PIGN: variants seen among roughly 807,000 people sequenced by gnomAD.
The protein encoded by PIGN is GPI ethanolamine phosphate transferase 1.
A neutral mutation model predicts 125.4 loss-of-function variants in PIGN; 117 were observed. The ratio of observed to expected loss-of-function variants is 0.93; its 90% CI spans 0.80 to 1.09. PIGN has a LOEUF of 1.09. Ranked by LOEUF, PIGN falls within the 50% of genes least tolerant of loss-of-function variation. The pLI, the probability that PIGN is intolerant of heterozygous loss-of-function variation, is 0.00. For missense variants in PIGN, 1,075 were observed against 1,094.9 expected (o/e 0.98, Z 0.26); for synonymous variants, 392 against 377.8 (o/e 1.04, Z -0.44).
chr18:62,083,794 C>T (rs967470331), intron 27 of PIGN, among the ~76,000 whole-genome samples: 2 of 152,176 alleles, frequency 1.3e-5, no homozygotes, highest in Non-Finnish European at 2.9e-5. Flanking sequence ...CTTTTTAACA[C>T]TTCTTAAACT....
intron 20 of PIGN, among the ~76,000 whole-genome samples, chr18:62,104,866 T>C (rs934434109): frequency 6.6e-6 from 1 of 152,174 alleles, no homozygotes; most frequent in African/African-American, 2.4e-5. Flanking sequence ...AATGAAATAA[T>C]GATCATATGC....
At chr18:62,031,293 G>C (rs1272462159) in intron 23 of PIGN, among the ~76,000 whole-genome samples, 1 of 152,194 alleles carries the variant, frequency 6.6e-6, no homozygotes, top group Non-Finnish European at 1.5e-5. Context: ...ATGTGGAACT[G>C]TGAGCTCTTT....
rs1333714846 is a variant in PIGN at position 62,161,176 on chromosome 18, A to G, written c.178T>C (p.Tyr60His). ...GAGTTTCCATTTTCATCTAATTCGTAAAGTGCATCTGCTCGAAGGCCATCA... is the reference window on the plus strand; with the variant it reads ...GAGTTTCCATTTTCATCTAATTCGTGAAGTGCATCTGCTCGAAGGCCATCA... ...VADGLRADAL[Y>H]ELDENGNSRA... Residue 60 changes from tyrosine (Y) to histidine (H), a missense_variant, in exon 4 of 31, where the codon TAC (tyrosine) becomes CAC (histidine). Around this residue, in one of 3 missense-constraint regions of PIGN, gnomAD observed 152 missense variants for 162.9 expected, o/e 0.93. Coordinates refer to ENST00000640252, the MANE Select transcript of PIGN (RefSeq NM_176787.5). 3 of 1,613,654 alleles carry G rather than the reference A, an allele frequency of 1.9e-6. No homozygotes were observed. Among genetic ancestry groups the G allele is most frequent in the Non-Finnish European group, 2.5e-6 (3 of 1,179,728 alleles).
intron 7 of PIGN, among the ~76,000 whole-genome samples, chr18:62,149,111 T>C (rs902904484): frequency 1.1e-4 from 17 of 152,196 alleles, no homozygotes; most frequent in African/African-American, 4.1e-4. Flanking sequence ...TTCACATAAA[T>C]GCCTTTAACT....
In PIGN at chr18:62,147,045, A is replaced by G. The variant is rs2036359127; in HGVS notation, c.731T>C (p.Met244Thr). 1 of 1,609,988 alleles carries G rather than the reference A, an allele frequency of 6.2e-7. No homozygotes were observed. The highest frequency in any genetic ancestry group is 8.5e-7 in the Non-Finnish European group (1 of 1,176,860). ...VDDGVKEIVS[M>T]FNHFYGNDGK... ...ATCATTTCCATAGAAGTGGTTAAAC[A>G]TAGACACGATTTCTTTAACTCCATC... The change falls in exon 9 of 31, where the codon ATG becomes ACG. Residue 244 changes from methionine to threonine, a missense_variant. Coordinates refer to ENST00000640252, the MANE Select transcript of PIGN (RefSeq NM_176787.5).
Position 62,105,545 on chromosome 18 carries a change from T to C in PIGN, c.1857A>G (p.Leu619=), listed in dbSNP as rs1227445333. ...ATAAAATACAATATTATTCATACAC[T>C]AGAGAGATGTCTGGCTTTCGACCTA... ...PVVGRKPDIS[L]VMGAGLLVLL... is the part of the protein sequence containing the mutation. Residue 619 remains leucine (L), a splice_region_variant and synonymous_variant, in exon 20 of 31, where the codon CTA becomes CTG. Coordinates refer to ENST00000640252, the MANE Select transcript of PIGN (RefSeq NM_176787.5). 2 of 1,506,384 alleles carry C rather than the reference T, an allele frequency of 1.3e-6. No homozygotes were observed. Among genetic ancestry groups the C allele is most frequent in the Non-Finnish European group, 1.8e-6 (2 of 1,105,528 alleles). The allele number at this position is 1,506,384 out of a possible 1,614,324, so 93.3% of individuals were successfully genotyped here. A position where few individuals can be genotyped will look rare whatever the true frequency, so the allele number is the denominator to read the frequency against.
intron 24 of PIGN, among the ~76,000 whole-genome samples, chr18:62,089,783 A>T (rs927507303): frequency 3.9e-5 from 6 of 152,160 alleles, no homozygotes; most frequent in African/African-American, 1.4e-4. Flanking sequence ...CTATGAAAGT[A>T]TTTTCTGTAA....
chr18:62,168,308 C>A (rs1245341834), intron 1 of PIGN, among the ~76,000 whole-genome samples: 1 of 152,106 alleles, frequency 6.6e-6, no homozygotes, highest in African/African-American at 2.4e-5. Context: ...TTTTTAATAT[C>A]TTTTATTTGA....
intron 25 of PIGN, among the ~76,000 whole-genome samples, chr18:62,085,660 A>C (rs1304145849): frequency 6.6e-6 from 1 of 152,202 alleles, no homozygotes; most frequent in African/African-American, 2.4e-5. Flanking sequence ...CCGTAAACCC[A>C]CCACCTGCTA....
intron 30 of PIGN, among the ~76,000 whole-genome samples, chr18:62,049,292 T>C (rs1218891180): frequency 6.6e-6 from 1 of 151,978 alleles, no homozygotes; most frequent in Non-Finnish European, 1.5e-5. Flanking sequence ...ACTTCCACAA[T>C]GGTTGAACTA....
intron 25 of PIGN, among the ~76,000 whole-genome samples, chr18:62,086,187 T>G (rs779773309): frequency 7.9e-5 from 12 of 152,082 alleles, no homozygotes; most frequent in Non-Finnish European, 1.6e-4. Flanking sequence ...GGAGAGACAT[T>G]TTAAGGTAAA....
intron 10 of PIGN, among the ~76,000 whole-genome samples, chr18:62,144,289 C>T (rs1287305866): frequency 6.6e-6 from 1 of 152,176 alleles, no homozygotes; most frequent in Non-Finnish European, 1.5e-5. Context: ...AATCCATTTA[C>T]CACAGAGCAG....
At chr18:62,068,021 G>T (rs895461364) in intron 30 of PIGN, among the ~76,000 whole-genome samples, 1 of 152,192 alleles carries the variant, frequency 6.6e-6, no homozygotes, top group Non-Finnish European at 1.5e-5. Flanking sequence ...TTAGGAGGAG[G>T]CTACACATGC....
chr18:62,028,670 C>T (rs544382305), intron 23 of PIGN, among the ~76,000 whole-genome samples: 21 of 152,276 alleles, frequency 1.4e-4, no homozygotes, highest in Non-Finnish European at 2.6e-4. Context: ...TACATTTTCA[C>T]GTAGATCCAA....
chr18:62,155,952 A>T (rs1568238256), intron 6 of PIGN, among the ~76,000 whole-genome samples: 1 of 152,188 alleles, frequency 6.6e-6, no homozygotes, highest in Non-Finnish European at 1.5e-5. Context: ...CATCTGTAAA[A>T]TTCTCAATAT....
chr18:62,093,291 T>C (rs890132373), intron 23 of PIGN, among the ~76,000 whole-genome samples: 5 of 152,116 alleles, frequency 3.3e-5, no homozygotes, highest in African/African-American at 9.6e-5. Context: ...TTTTGTAAAA[T>C]GGAGATGAAT....
Position 62,159,324 on chromosome 18 carries a change from A to G in PIGN, c.222-1516T>C, listed in dbSNP as rs181506405. Among the ~76,000 whole-genome samples, 267 of 152,350 alleles carry G rather than the reference A, an allele frequency of 1.8e-3. 1 individual carries two copies. Among genetic ancestry groups the G allele is most frequent in the Non-Finnish European group, 2.7e-3 (184 of 68,034 alleles). On this transcript the variant is annotated intron_variant, in intron 4 of 30. Coordinates refer to ENST00000640252, the MANE Select transcript of PIGN (RefSeq NM_176787.5). ...AGATTCCTGACATTGTAAATATACA[A>G]TGGCACACAACACAAAACATCAACT...
chr18:62,032,894 A>T (rs1008033796), intron 23 of PIGN, among the ~76,000 whole-genome samples: 2 of 152,268 alleles, frequency 1.3e-5, no homozygotes, highest in African/African-American at 4.8e-5. Flanking sequence ...GTGAGAAATC[A>T]CACTAAATGC....
In PIGN at chr18:62,101,141, G is replaced by A; in HGVS notation, c.2011C>T (p.Gln671Ter). 1 of 1,611,250 alleles carries A rather than the reference G, an allele frequency of 6.2e-7. No individual in the cohort carries two copies. The highest frequency in any genetic ancestry group is 8.5e-7 in the Non-Finnish European group (1 of 1,178,028). Residue 671 changes from glutamine to a stop codon, truncating the protein, a stop_gained, in exon 22 of 31, where the codon CAG becomes TAG. Coordinates refer to ENST00000640252, the MANE Select transcript of PIGN (RefSeq NM_176787.5). LOFTEE classifies it high-confidence loss of function. ...VLSMYVVYST[Q>*]SSLLRKQGLP... ...CCTTGCTTCCTGAGTAGACTACTCTGAGTGCTATACACAACATACATGGAG... is the reference window on the plus strand; with the variant it reads ...CCTTGCTTCCTGAGTAGACTACTCTAAGTGCTATACACAACATACATGGAG...
Sources: gnomAD v4.1 joint callset for allele counts (sites outside exome capture counted in the v4.1 genomes callset) on GRCh38, gnomAD v4.1.1 for gene constraint, gnomAD v4.1.1 regional missense constraint, MANE v1.5 for transcripts, NCBI Gene and HGNC (gene_info 2026-07-23, HGNC 2026-07-21) for gene names.